Variants in SNAP23 observed in about 807,000 individuals in gnomAD.
The protein encoded by SNAP23 is synaptosomal-associated protein 23.
Under a neutral mutation model 29.0 loss-of-function variants are expected in SNAP23, and 11 were observed. The ratio of observed to expected loss-of-function variants is 0.38; its 90% CI spans 0.24 to 0.63. SNAP23 has a LOEUF of 0.63. Ranked by LOEUF, SNAP23 falls within the 20% of genes least tolerant of loss-of-function variation. SNAP23 has a pLI of 0.58. For synonymous variants in SNAP23, 60 were observed against 82.9 expected, an observed-to-expected ratio of 0.72 and a Z score of 1.50; for missense variants, 220 against 253.9, an observed-to-expected ratio of 0.87 and a Z score of 0.91.
intron 4 of SNAP23, among the ~76,000 whole-genome samples, chr15:42,514,996 C>T (rs766579816): frequency 6.6e-6 from 1 of 152,158 alleles, no homozygotes; most frequent in African/African-American, 2.4e-5. Context: ...CCACCATACC[C>T]AGCCATATAC....
chr15:42,516,707 G>A lies in SNAP23; in HGVS notation c.266+1353G>A, dbSNP rs181225979. Reference sequence around the variant, plus strand: ...TCAGCTGGTCTTGTAAACCAACAGCGGTTATATTTTTATATTTTCAGTAAG... The same window carrying A: ...TCAGCTGGTCTTGTAAACCAACAGCAGTTATATTTTTATATTTTCAGTAAG... On this transcript the variant is annotated intron_variant, in intron 5 of 7. Coordinates refer to ENST00000249647, the MANE Select transcript of SNAP23 (RefSeq NM_003825.4). 7.2e-5 allele frequency among the ~76,000 whole-genome samples: 11 copies of A among 152,154 alleles called. No individual in the cohort carries two copies. In the East Asian group the frequency reaches 7.7e-4, roughly 11 times the overall value.
intron 1 of SNAP23, among the ~76,000 whole-genome samples, chr15:42,498,914 A>G (rs147365624): frequency 2.4e-4 from 36 of 152,290 alleles, no homozygotes; most frequent in African/African-American, 8.7e-4. Context: ...GTATGTGTTT[A>G]TGCACTAGAA....
chr15:42,504,316 G>C (rs529529292), intron 1 of SNAP23, among the ~76,000 whole-genome samples: 2 of 152,098 alleles, frequency 1.3e-5, no homozygotes, highest in Non-Finnish European at 2.9e-5. Flanking sequence ...ACTCCAGCCT[G>C]GGCAACAGAG....
intron 1 of SNAP23, among the ~76,000 whole-genome samples, chr15:42,502,930 T>C: frequency 6.6e-6 from 1 of 152,182 alleles, no homozygotes; most frequent in East Asian, 1.9e-4. Context: ...TAAGTTACCA[T>C]AGGTGCTTCT....
chr15:42,521,771 C>G (rs958557917), intron 5 of SNAP23: 1 of 623,118 alleles, frequency 1.6e-6, no homozygotes, highest in East Asian at 2.8e-5. Flanking sequence ...AAAACTGTCT[C>G]TAAACTGTGT....
intron 6 of SNAP23, among the ~76,000 whole-genome samples, chr15:42,529,125 A>G (rs1157710322): frequency 1.3e-5 from 2 of 152,222 alleles, no homozygotes; most frequent in African/African-American, 4.8e-5. Flanking sequence ...GCAATTACTC[A>G]ACTCTGTTGT....
upstream of SNAP23, among the ~76,000 whole-genome samples, chr15:42,492,234 G>A (rs2057173385): frequency 6.6e-6 from 1 of 152,014 alleles, no homozygotes; most frequent in South Asian, 2.1e-4. Flanking sequence ...ATTAAACTTA[G>A]CCCATACCCA....
At chr15:42,510,201 T>G (rs999075650) in intron 1 of SNAP23, among the ~76,000 whole-genome samples, 1 of 152,128 alleles carries the variant, frequency 6.6e-6, no homozygotes, top group Admixed American at 6.6e-5. Flanking sequence ...AGTGCCATGA[T>G]CTTGACTTAC....
intron 5 of SNAP23, among the ~76,000 whole-genome samples, chr15:42,518,297 A>T (rs2057414577): frequency 6.6e-6 from 1 of 152,172 alleles, no homozygotes; most frequent in Non-Finnish European, 1.5e-5. Flanking sequence ...CCATAACATG[A>T]GCTTCTTAAA....
chr15:42,496,823 TATAATC>T, intron 1 of SNAP23, among the ~76,000 whole-genome samples: 1 of 152,116 alleles, frequency 6.6e-6, no homozygotes, highest in African/African-American at 2.4e-5. Context: ...TCAGGAAACT[TATAATC>T]ATGGTGGAAA....
intron 1 of SNAP23, among the ~76,000 whole-genome samples, chr15:42,510,726 G>C (rs542261330): frequency 6.6e-6 from 1 of 152,262 alleles, no homozygotes; most frequent in East Asian, 1.9e-4. Flanking sequence ...TAAGTTTTCT[G>C]CTTATCAAAG....
At chr15:42,530,871 C>T (rs902920824) in intron 7 of SNAP23, among the ~76,000 whole-genome samples, 5 of 152,200 alleles carry the variant, frequency 3.3e-5, no homozygotes, top group Non-Finnish European at 5.9e-5. Context: ...CAGTGGTTCA[C>T]AAGATGCTTT....
intron 5 of SNAP23, among the ~76,000 whole-genome samples, chr15:42,525,448 CTTCTTTT>C (rs2057492795): frequency 3.9e-5 from 2 of 50,690 alleles, no homozygotes; most frequent in Non-Finnish European, 9.4e-5. Context: ...AAGATCCAGT[CTTCTTTT>C]TTTTTTTTTT....
chr15:42,503,405 C>T (rs1007669639), intron 1 of SNAP23, among the ~76,000 whole-genome samples: 6 of 147,120 alleles, frequency 4.1e-5, no homozygotes, highest in Admixed American at 1.4e-4. Context: ...TGTCTCACTC[C>T]GTTGCCCAGG....
chr15:42,507,202 C>T (rs1285277707), intron 1 of SNAP23, among the ~76,000 whole-genome samples: 2 of 152,196 alleles, frequency 1.3e-5, no homozygotes, highest in South Asian at 2.1e-4. Context: ...TCTTTACTGA[C>T]ACAGCCGCCT....
chr15:42,514,445 G>C (rs897251076), intron 4 of SNAP23, among the ~76,000 whole-genome samples: 3 of 151,804 alleles, frequency 2.0e-5, no homozygotes, highest in Admixed American at 2.0e-4. Context: ...CACCGTGTCT[G>C]GCCAGACATT....
chr15:42,531,384 G>T, intron 7 of SNAP23, 29 bp from the exon 8 acceptor site: 1 of 1,472,714 alleles, frequency 6.8e-7, no homozygotes. Context: ...TACTTACCTT[G>T]TAAAGCTGAT....
chr15:42,509,718 G>A (rs181886004), intron 1 of SNAP23, among the ~76,000 whole-genome samples: 2 of 152,234 alleles, frequency 1.3e-5, no homozygotes, highest in Admixed American at 6.5e-5. Context: ...GATTACAGGC[G>A]TGAGCCACTG....
At chr15:42,530,021 G>C (rs8033555) in intron 7 of SNAP23, among the ~76,000 whole-genome samples, 7,218 of 152,242 alleles carry the variant, frequency 0.047, 573 homozygotes, top group African/African-American at 0.16. Context: ...TTTGAAACCA[G>C]AGTTTTGGAA....
Sources: gnomAD v4.1 joint callset for allele counts (sites outside exome capture counted in the v4.1 genomes callset) on GRCh38, gnomAD v4.1.1 for gene constraint, MANE v1.5 for transcripts, NCBI Gene and HGNC (gene_info 2026-07-23, HGNC 2026-07-21) for gene names.